The following ZP4 variants were observed in gnomAD, a reference collection of about 807,000 sequenced individuals.
ZP4 encodes zona pellucida sperm-binding protein 4.
Under a neutral mutation model 62.3 loss-of-function variants are expected in ZP4, and 62 were observed. The observed-to-expected ratio is 0.99, with a 90% CI of 0.81 to 1.23. The LOEUF is 1.23. Among genes scored for constraint, ZP4 ranks in the 50% most tolerant of loss-of-function variants. The pLI is 0.00. For missense variants in ZP4, 774 were observed against 656.0 expected (o/e 1.18, Z -1.97); for synonymous variants, 289 against 247.3 (o/e 1.17, Z -1.58).
chr1:237,887,331 C>A (rs1190978601), intron 5 of ZP4, 43 bp downstream of exon 5: 2 of 1,600,846 alleles, frequency 1.2e-6, no homozygotes, highest in Non-Finnish European at 1.7e-6. Flanking sequence ...CTACAACCTT[C>A]CCACCCAACT....
At chr1:237,886,556 T>C (rs556124151) in intron 6 of ZP4, among the ~76,000 whole-genome samples, 62 of 152,166 alleles carry the variant, frequency 4.1e-4, no homozygotes, top group African/African-American at 1.4e-3. Context: ...TCTAGTTAAG[T>C]GAAATAGCAG....
chr1:237,883,785 GAGAGAGGA>G (rs1459326561), intron 10 of ZP4, among the ~76,000 whole-genome samples: 1 of 147,648 alleles, frequency 6.8e-6, no homozygotes, highest in Admixed American at 6.7e-5. Context: ...GAGAGAGGAA[GAGAGAGGA>G]AGAGAGAGGA....
In ZP4 at chr1:237,888,458, T is replaced by C. The variant is rs769049217; in HGVS notation, c.453A>G (p.Arg151=). 1.2e-6 allele frequency: 2 copies of C among 1,612,372 alleles called. No individual in the cohort carries two copies. The highest frequency in any genetic ancestry group is 1.7e-6 in the Non-Finnish European group (2 of 1,178,882). Residue 151 remains arginine, a synonymous_variant, in exon 4 of 12, where the codon AGA becomes AGG. Transcript: ENST00000366570. Reference sequence around the variant, plus strand: ...AGATGGGTGAAGGTGCACATGGCAGTCTGTCCCGTGCTGGGATGGAGTCAC... The same window carrying C: ...AGATGGGTGAAGGTGCACATGGCAGCCTGTCCCGTGCTGGGATGGAGTCAC... ...DWCDSIPARD[R]LPCAPSPISR...
rs988716758 is a variant in ZP4, at chr1:237,889,899, C to T, written c.368G>A (p.Arg123Lys). The change falls in exon 3 of 12, where the codon AGG (arginine) becomes AAG (lysine). Residue 123 changes from arginine (R) to lysine (K), a missense_variant. Arg to Lys is a conservative substitution (Grantham distance 26). Coordinates refer to ENST00000366570, the MANE Select transcript of ZP4 (RefSeq NM_021186.5). ...GAAEHKVVTE[R>K]KLLKCPMDLL... ...ATCCATAGGACACTTGAGCAGCTTC[C>T]TCTCTGTAACCACCTTGTGTTCAGC... 1.9e-6 allele frequency: 3 copies of T among 1,614,046 alleles called. No individual in the cohort carries two copies. The highest frequency in any genetic ancestry group is 2.5e-6 in the Non-Finnish European group (3 of 1,180,018).
In ZP4 at chr1:237,885,033, G is replaced by A. The variant is rs1665062011; in HGVS notation, c.1311+132C>T. The A allele has an allele frequency of 2.3e-6, 3 of 1,326,332 alleles. No individual in the cohort carries two copies. The Admixed American group carries it at 6.4e-5, about 28-fold the overall frequency. 82.2% of individuals were successfully genotyped at this position (1,326,332 alleles called of 1,614,324 possible). A position where few individuals can be genotyped will look rare whatever the true frequency, so the allele number is the denominator to read the frequency against. On this transcript the variant is annotated intron_variant, in intron 9 of 11. Coordinates refer to ENST00000366570, the MANE Select transcript of ZP4 (RefSeq NM_021186.5). Reference sequence around the variant, plus strand: ...ATGTCACTCATGTAATTAGTAACAAGGGTTGCTCTGAGTCAGTACCAATAG... The same window carrying A: ...ATGTCACTCATGTAATTAGTAACAAAGGTTGCTCTGAGTCAGTACCAATAG...
intron 5 of ZP4, 50 bp downstream of exon 5, chr1:237,887,324 C>T: frequency 3.1e-6 from 5 of 1,595,716 alleles, no homozygotes; most frequent in Non-Finnish European, 3.4e-6. Context: ...CTAGTCACTA[C>T]AACCTTCCCA....
chr1:237,890,248 C>CCATT (rs1665209759), intron 1 of ZP4, 72 bp from the exon 2 acceptor site: 2 of 1,604,542 alleles, frequency 1.2e-6, no homozygotes, highest in East Asian at 4.5e-5. Flanking sequence ...GTCAGCCTTG[C>CCATT]CATTAGACCC....
At chr1:237,888,718 GC>G (rs747150008) in intron 3 of ZP4, among the ~76,000 whole-genome samples, 2 of 152,190 alleles carry the variant, frequency 1.3e-5, no homozygotes, top group Non-Finnish European at 2.9e-5. Context: ...TTGTAAGAGT[GC>G]CCTGCTATTA....
intron 4 of ZP4, among the ~76,000 whole-genome samples, 165 bp downstream of exon 4, chr1:237,888,193 G>A (rs771103571): frequency 6.6e-6 from 1 of 152,226 alleles, no homozygotes; most frequent in African/African-American, 2.4e-5. Context: ...ATGGACAGTG[G>A]GAGTTGTAGA....
intron 10 of ZP4, among the ~76,000 whole-genome samples, chr1:237,883,252 A>T (rs115314695): frequency 0.012 from 1,820 of 152,236 alleles, 35 homozygotes; most frequent in African/African-American, 0.042. Context: ...ATTCACTTGA[A>T]ATATACAGTT....
chr1:237,885,841 T>C lies in ZP4; in HGVS notation c.885A>G (p.Pro295=). 6.2e-7 allele frequency: 1 copy of C among 1,614,040 alleles called. No individual in the cohort carries two copies. The highest frequency in any genetic ancestry group is 8.5e-7 in the Non-Finnish European group (1 of 1,180,000). ...GGAGAGTGAAAACCTGGACATTGAT[T>C]GGGAGAGAGTTGCTACTTACTGAGT... ...CSYSVSSNSL[P]INVQVFTLPP... is the part of the protein sequence containing the mutation. The change falls in exon 7 of 12, where the codon CCA becomes CCG. Residue 295 remains proline (P), a synonymous_variant. Transcript: ENST00000366570.
In ZP4 at chr1:237,888,233, G is replaced by A. The variant is rs475493; in HGVS notation, c.553+125C>T. 0.022 allele frequency: 20,672 copies of A among 948,160 alleles called. 2,834 individuals carry two copies. In the African/African-American group the frequency reaches 0.3, roughly 14 times the overall value. The allele number at this position is 948,160 out of a possible 1,614,324, so 58.7% of individuals were successfully genotyped here. A position where few individuals can be genotyped will look rare whatever the true frequency, so the allele number is the denominator to read the frequency against. ...TGTTACATTGGGATCAAGTGTTCTTGGATGCATGGCTACATGGCAGCCTGC... is the reference window on the plus strand; with the variant it reads ...TGTTACATTGGGATCAAGTGTTCTTAGATGCATGGCTACATGGCAGCCTGC... On this transcript the variant is annotated intron_variant, in intron 4 of 11. Coordinates refer to ENST00000366570, the MANE Select transcript of ZP4 (RefSeq NM_021186.5).
Position 237,886,217 on chromosome 1 carries a change from A to G in ZP4, c.840-331T>C, listed in dbSNP as rs114347294. Among the ~76,000 whole-genome samples, 1,213 of 152,316 alleles carry G rather than the reference A, an allele frequency of 8.0e-3. 7 individuals are homozygous for G. The highest frequency in any genetic ancestry group is 0.011 in the Non-Finnish European group (770 of 68,022). ...GTACAGGGAAAGCGTCACCCAATAT[A>G]GAGCAAAGCCTGGAGGCAAGGAAGT... On this transcript the variant is annotated intron_variant, in intron 6 of 11. Transcript: ENST00000366570.
intron 4 of ZP4, among the ~76,000 whole-genome samples, chr1:237,887,976 G>C (rs1243561326): frequency 6.6e-6 from 1 of 152,162 alleles, no homozygotes; most frequent in Non-Finnish European, 1.5e-5. Flanking sequence ...ATACTCTGAG[G>C]TCAAGTTTAT....
Position 237,883,753 on chromosome 1 carries a change from G to GAGAGAGGAAGAGAGAGGA in ZP4, c.1391-908_1391-907insTCCTCTCTCTTCCTCTCT, listed in dbSNP as rs1558530236. Among the ~76,000 whole-genome samples, 26 of 59,466 alleles carry GAGAGAGGAAGAGAGAGGA rather than the reference G, an allele frequency of 4.4e-4. 1 individual carries two copies. Among genetic ancestry groups the GAGAGAGGAAGAGAGAGGA allele is most frequent in the African/African-American group, 6.8e-4 (8 of 11,780 alleles). The allele number at this position is 59,466 out of a possible 152,430, so 39.0% of individuals were successfully genotyped here. Reference sequence around the variant, plus strand: ...GGAGGGAGAGAGAGGGAGAGAGAGGGAGAGAGAGGGAGAGAGAGGAAGAGA... The same window carrying GAGAGAGGAAGAGAGAGGA: ...GGAGGGAGAGAGAGGGAGAGAGAGGGAGAGAGGAAGAGAGAGGAAGAGAGAGGGAGAGAGAGGAAGAGA... On this transcript the variant is annotated intron_variant, in intron 10 of 11. Transcript: ENST00000366570.
intron 10 of ZP4, among the ~76,000 whole-genome samples, chr1:237,884,021 C>T (rs1366446373): frequency 1.7e-5 from 1 of 58,890 alleles, no homozygotes; most frequent in Non-Finnish European, 3.6e-5. Flanking sequence ...CACACAAACA[C>T]ACACACACAC....
At chr1:237,887,596 C>G in intron 4 of ZP4, 35 bp from the exon 5 acceptor site, 3 of 1,598,096 alleles carry the variant, frequency 1.9e-6, no homozygotes, top group East Asian at 2.2e-5. Context: ...GGCAGGTCAT[C>G]TCTCCCATTG....
intron 5 of ZP4, among the ~76,000 whole-genome samples, chr1:237,887,159 C>T (rs973319562): frequency 4.6e-5 from 7 of 152,180 alleles, no homozygotes; most frequent in Non-Finnish European, 8.8e-5. Context: ...ATGACAGCCC[C>T]TTAGCTAGAT....
chr1:237,886,801 C>G lies in ZP4; in HGVS notation c.809G>C (p.Arg270Pro). 1 of 1,614,068 alleles carries G rather than the reference C, an allele frequency of 6.2e-7. No homozygotes were observed. Among genetic ancestry groups the G allele is most frequent in the South Asian group, 1.1e-5 (1 of 91,074 alleles). ...GATGCTGTCACGAGTGACAGAGCCA[C>G]GGCTCCCATTTTTCACATCCCTAGT... ...VATRDVKNGS[R>P]GSVTRDSIFR... Residue 270 changes from arginine (R) to proline (P), a missense_variant, in exon 6 of 12, where the codon CGT becomes CCT. Arg to Pro is a moderately radical substitution (Grantham distance 103). Coordinates refer to ENST00000366570, the MANE Select transcript of ZP4 (RefSeq NM_021186.5).
Sources: allele counts gnomAD v4.1 joint callset (sites outside exome capture counted in the v4.1 genomes callset), GRCh38; gene constraint gnomAD v4.1.1; transcripts MANE v1.5; gene names NCBI Gene and HGNC (gene_info 2026-07-23, HGNC 2026-07-21).